The following SYNC variants were observed in gnomAD, a reference collection of about 807,000 sequenced individuals.
SYNC encodes the protein syncoilin.
Under a neutral mutation model 49.5 loss-of-function variants are expected in SYNC, and 38 were observed. The ratio of observed to expected loss-of-function variants is 0.77; its 90% confidence interval spans 0.59 to 1.01. SYNC has a LOEUF of 1.01. Among genes scored for constraint, SYNC ranks in the 50% least tolerant of loss-of-function variants. SYNC has a pLI of 0.00. For synonymous variants in SYNC, 201 were observed against 230.8 expected (o/e 0.87, Z 1.17); for missense variants, 579 against 580.6 (o/e 1.00, Z 0.03).
Position 32,702,719 on chromosome 1 carries a change from G to T in SYNC, c.-59C>A. The T allele has an allele frequency of 1.8e-6, 2 of 1,107,714 alleles. No individual in the cohort carries two copies. The highest frequency in any genetic ancestry group is 1.7e-5 in the African/African-American group (1 of 60,188). 68.6% of individuals were successfully genotyped at this position (1,107,714 alleles called of 1,614,324 possible). A position where few individuals can be genotyped will look rare whatever the true frequency, so the allele number is the denominator to read the frequency against. On this transcript the variant is annotated 5_prime_UTR_variant, in exon 1 of 5. Coordinates refer to ENST00000409190, the MANE Select transcript of SYNC (RefSeq NM_030786.3). This position sits in a 1 kb window ranked among gnomAD's most constrained non-coding sequence, Gnocchi z 6.2. The stretch of plus-strand genomic sequence containing the variant: ...TAATAGCCGGGCCCGCGGGCCCCTC[G>T]CTCCGGCGCCCGCGCCCGCCGCACT...
At position 32,680,414 on chromosome 1, in the gene SYNC, A is replaced by G; in HGVS notation, c.*1436T>C. 8.1e-7 allele frequency: 1 copy of G among 1,227,662 alleles called. No individual in the cohort carries two copies. Among genetic ancestry groups the G allele is most frequent in the African/African-American group, 2.0e-5 (1 of 49,642 alleles). 76.0% of individuals were successfully genotyped at this position (1,227,662 alleles called of 1,614,324 possible). A position where few individuals can be genotyped will look rare whatever the true frequency, so the allele number is the denominator to read the frequency against. The stretch of plus-strand genomic sequence containing the variant: ...CCAAGTTGTAAAGATGTATGTTTTT[A>G]CCTGACAGTTATACCACAGGTAGAC... On this transcript the variant is annotated 3_prime_UTR_variant, in exon 5 of 5. Transcript: ENST00000409190.
chr1:32,697,948 C>T (rs977141043), intron 1 of SYNC, among the ~76,000 whole-genome samples: 3 of 151,824 alleles, frequency 2.0e-5, no homozygotes, highest in Non-Finnish European at 4.4e-5. Context: ...CAGGGCTGGG[C>T]GAGATGGCTC....
intron 1 of SYNC, among the ~76,000 whole-genome samples, chr1:32,697,979 T>C (rs567672883): frequency 6.6e-6 from 1 of 151,954 alleles, no homozygotes; most frequent in African/African-American, 2.4e-5. Context: ...TGCCAGCACT[T>C]TGGGAGGCCA....
rs1234108270 is a variant in SYNC at position 32,680,055 on chromosome 1, A to C, written c.*1795T>G. On this transcript the variant is annotated 3_prime_UTR_variant, in exon 5 of 5. Coordinates refer to ENST00000409190, the MANE Select transcript of SYNC (RefSeq NM_030786.3). ...AAAGGCTAGAGTGAGTAAGGAATAG[A>C]GCCAAATGAGGTAGGTGTCTGAGCC... The C allele has an allele frequency of 1.0e-5, 11 of 1,082,638 alleles. No individual in the cohort carries two copies. Among genetic ancestry groups the C allele is most frequent in the Admixed American group, 5.1e-5 (1 of 19,730 alleles). 67.1% of individuals were successfully genotyped at this position (1,082,638 alleles called of 1,614,324 possible). A position where few individuals can be genotyped will look rare whatever the true frequency, so the allele number is the denominator to read the frequency against.
Position 32,695,561 on chromosome 1 carries a change from GA to G in SYNC, c.536del (p.Phe179SerfsTer57). 1 of 1,551,450 alleles carries G rather than the reference GA, an allele frequency of 6.4e-7. No homozygotes were observed. Among genetic ancestry groups the G allele is most frequent in the African/African-American group, 1.4e-5 (1 of 73,040 alleles). On this transcript the variant is annotated frameshift_variant, in exon 2 of 5. Coordinates refer to ENST00000409190, the MANE Select transcript of SYNC (RefSeq NM_030786.3). LOFTEE classifies it high-confidence loss of function. ...IEDLELLEGR[F>X]QQCVQAVAQL... ...GGGCCACAGCTTGGACACACTGCTG[GA>G]AACGCCCCTCTAGCAATTCCAGGTC... is the stretch of plus-strand genomic sequence containing the variant.
At chr1:32,683,286 G>T (rs888494145) in intron 4 of SYNC, 1 of 146,164 alleles carries the variant, frequency 6.8e-6, no homozygotes, top group Non-Finnish European at 1.5e-5. Context: ...AAAAAAAAAA[G>T]AGTAAGTCTG....
Position 32,680,697 on chromosome 1 carries a change from C to A in SYNC, c.*1153G>T. 3.0e-6 allele frequency: 2 copies of A among 670,484 alleles called. No homozygotes were observed. The highest frequency in any genetic ancestry group is 2.3e-5 in the South Asian group (1 of 43,802). 41.5% of individuals were successfully genotyped at this position (670,484 alleles called of 1,614,324 possible). On this transcript the variant is annotated 3_prime_UTR_variant, in exon 5 of 5. Transcript: ENST00000409190. ...TATTTAGTATAAAACATCCATCAAA[C>A]ACCAGTCTCTGGCTTCTAGAAGAGT...
chr1:32,680,582 C>G lies in SYNC; in HGVS notation c.*1268G>C. ...TCTCCATTTTGGGTGACCTGTTTCA[C>G]CAGCAGGCCTGTTACTCTCCATGAC... is the stretch of plus-strand genomic sequence containing the variant. On this transcript the variant is annotated 3_prime_UTR_variant, in exon 5 of 5. Transcript: ENST00000409190. 1 of 1,481,332 alleles carries G rather than the reference C, an allele frequency of 6.8e-7. No individual in the cohort carries two copies. The highest frequency in any genetic ancestry group is 2.5e-5 in the East Asian group (1 of 39,244). 91.8% of individuals were successfully genotyped at this position (1,481,332 alleles called of 1,614,324 possible). A position where few individuals can be genotyped will look rare whatever the true frequency, so the allele number is the denominator to read the frequency against.
rs185106343 is a variant in SYNC at position 32,684,708 on chromosome 1, A to C, written c.1234-326T>G. On this transcript the variant is annotated intron_variant, in intron 2 of 4. Coordinates refer to ENST00000409190, the MANE Select transcript of SYNC (RefSeq NM_030786.3). ...GGATTTTGGTCTAGTTAGTGGGCTG[A>C]GTTTCATATACCTCTCCCTCCATGT... 5.0e-4 allele frequency: 119 copies of C among 237,870 alleles called. 1 individual carries two copies. In the East Asian group the frequency reaches 9.5e-3, roughly 19 times the overall value. The allele number at this position is 237,870 out of a possible 1,614,324, so 14.7% of individuals were successfully genotyped here.
intron 2 of SYNC, chr1:32,685,264 G>A (rs702832): frequency 0.97 from 148,161 of 152,250 alleles, 72,217 homozygotes; most frequent in East Asian, 1. Flanking sequence ...CATTCTTCCA[G>A]AATCAGGCTG....
intron 3 of SYNC, 46 bp from the exon 4 acceptor site, chr1:32,684,135 A>G: frequency 6.2e-7 from 1 of 1,607,584 alleles, no homozygotes; most frequent in South Asian, 1.1e-5. Context: ...GGATAAGCAC[A>G]ATTTGAAAAT....
At chr1:32,687,434 T>G (rs1244331650) in intron 2 of SYNC, among the ~76,000 whole-genome samples, 1 of 150,628 alleles carries the variant, frequency 6.6e-6, no homozygotes, top group East Asian at 2.0e-4. Flanking sequence ...CCCAACACAT[T>G]GGGAGGCCAA....
intron 4 of SYNC, chr1:32,682,539 G>T (rs1269045300): frequency 6.6e-6 from 1 of 152,230 alleles, no homozygotes; most frequent in Non-Finnish European, 1.5e-5. Context: ...TTGAGAGGCT[G>T]AGGCACGTGG....
At chr1:32,690,058 A>G (rs1650087875) in intron 2 of SYNC, among the ~76,000 whole-genome samples, 1 of 152,152 alleles carries the variant, frequency 6.6e-6, no homozygotes, top group African/African-American at 2.4e-5. Context: ...ATGATGGTAT[A>G]GCAACAAGAG....
chr1:32,700,313 T>C (rs933778137), intron 1 of SYNC, among the ~76,000 whole-genome samples: 2 of 152,232 alleles, frequency 1.3e-5, no homozygotes, highest in African/African-American at 4.8e-5. Flanking sequence ...CCTTTCATCA[T>C]TCTCGTGCCG....
intron 1 of SYNC, among the ~76,000 whole-genome samples, chr1:32,697,738 A>C (rs994247715): frequency 2.0e-5 from 3 of 151,856 alleles, no homozygotes; most frequent in Admixed American, 6.6e-5. Context: ...CTGTCAAAAA[A>C]AAAAACAAAA....
intron 1 of SYNC, among the ~76,000 whole-genome samples, chr1:32,701,720 C>T (rs1650677372): frequency 6.6e-6 from 1 of 152,168 alleles, no homozygotes; most frequent in South Asian, 2.1e-4. Flanking sequence ...TTAGTTGGGG[C>T]CCCTGACCTC....
chr1:32,681,528 A>G lies in SYNC; in HGVS notation c.*322T>C. The G allele has an allele frequency of 7.3e-6, 3 of 409,270 alleles. No individual in the cohort carries two copies. Among genetic ancestry groups the G allele is most frequent in the Non-Finnish European group, 8.7e-6 (2 of 229,122 alleles). The allele number at this position is 409,270 out of a possible 1,614,324, so 25.4% of individuals were successfully genotyped here. ...CTTTAAAATACTCCCAGATGTGTCC[A>G]TACATTCATCCTTCACTCAGTGCAT... On this transcript the variant is annotated 3_prime_UTR_variant, in exon 5 of 5. Transcript: ENST00000409190.
chr1:32,687,833 A>AATTATTATTATTATTATTATTATT (rs148661520), intron 2 of SYNC, among the ~76,000 whole-genome samples: 1,093 of 38,192 alleles, frequency 0.029, 15 homozygotes, highest in Non-Finnish European at 0.037. Flanking sequence ...CTGCCCAGTG[A>AATTATTATTATTATTATTATTATT]ATTATTATTA....
Sources: gnomAD v4.1 joint callset for allele counts (sites outside exome capture counted in the v4.1 genomes callset) on GRCh38, gnomAD v4.1.1 for gene constraint, Gnocchi (gnomAD v3.1) non-coding constraint, MANE v1.5 for transcripts, NCBI Gene and HGNC (gene_info 2026-07-23, HGNC 2026-07-21) for gene names.